The following TULP4 variants were observed in gnomAD, a reference collection of about 807,000 sequenced individuals.
TULP4 encodes the protein tubby-related protein 4.
In TULP4, 16 loss-of-function variants were observed where a neutral mutation model predicts 129.0. That is an observed-to-expected ratio of 0.12 (90% CI 0.08 to 0.19). TULP4 has a LOEUF of 0.19. Among genes scored for constraint, TULP4 ranks in the 10% least tolerant of loss-of-function variants. TULP4 has a pLI of 1.00. For missense variants in TULP4, 1,842 were observed against 2,059.1 expected (o/e 0.89, Z 2.04); for synonymous variants, 998 against 854.0 (o/e 1.17, Z -2.94).
At chr6:158,361,992 A>G (rs544910362) in intron 1 of TULP4, among the ~76,000 whole-genome samples, 2 of 152,328 alleles carry the variant, frequency 1.3e-5, no homozygotes, top group South Asian at 4.2e-4. Context: ...AGAATGTTCA[A>G]ACTCCTCAAC....
intron 1 of TULP4, among the ~76,000 whole-genome samples, chr6:158,357,553 G>A (rs761667254): frequency 3.9e-5 from 6 of 152,244 alleles, no homozygotes; most frequent in Non-Finnish European, 8.8e-5. Flanking sequence ...CATTAGATGA[G>A]TAGGAAGAGA....
chr6:158,490,904 A>G (rs1464457108), intron 9 of TULP4, among the ~76,000 whole-genome samples: 3 of 152,176 alleles, frequency 2.0e-5, no homozygotes, highest in African/African-American at 7.2e-5. Flanking sequence ...TTATACTACA[A>G]TTAGTTTACT....
chr6:158,366,013 C>T (rs1259334711), intron 1 of TULP4, among the ~76,000 whole-genome samples: 4 of 147,692 alleles, frequency 2.7e-5, no homozygotes, highest in Non-Finnish European at 4.4e-5. Context: ...TGCCATTCTC[C>T]TGCCTCAGCC....
At chr6:158,458,573 A>G (rs978071739) in intron 5 of TULP4, among the ~76,000 whole-genome samples, 6 of 152,192 alleles carry the variant, frequency 3.9e-5, no homozygotes, top group Non-Finnish European at 8.8e-5. Context: ...AAAATAGGAG[A>G]TTCAAACAAA....
intron 1 of TULP4, among the ~76,000 whole-genome samples, chr6:158,300,557 AT>A (rs983534566): frequency 6.6e-6 from 1 of 152,220 alleles, no homozygotes; most frequent in African/African-American, 2.4e-5. Flanking sequence ...GCATAAATAA[AT>A]CAAAAGCCTT....
intron 1 of TULP4, chr6:158,282,822 T>G (rs1185129416): frequency 6.6e-6 from 1 of 152,104 alleles, no homozygotes; most frequent in Non-Finnish European, 1.5e-5. Context: ...ATTTTAATTA[T>G]TTCATATACA....
chr6:158,498,728 G>A lies in TULP4; in HGVS notation c.1930G>A (p.Glu644Lys). The A allele has an allele frequency of 1.2e-6, 2 of 1,614,172 alleles. No homozygotes were observed. The highest frequency in any genetic ancestry group is 1.7e-6 in the Non-Finnish European group (2 of 1,180,028). The stretch of plus-strand genomic sequence containing the variant: ...GCGGCAGATGACCATTTATCTCCCA[G>A]AAGTTCGGAAAATTTCCATGGACTA... Reference protein sequence around the residue: ...QPRQMTIYLPEVRKISMDYIN... With the variant: ...QPRQMTIYLPKVRKISMDYIN... Residue 644 changes from glutamate (E) to lysine (K), a missense_variant, in exon 12 of 14, where the codon GAA (glutamate) becomes AAA (lysine). Transcript: ENST00000367097.
intron 1 of TULP4, among the ~76,000 whole-genome samples, chr6:158,269,533 T>A (rs918441429): frequency 1.3e-5 from 2 of 152,220 alleles, no homozygotes; most frequent in African/African-American, 4.8e-5. Context: ...TTTGAGATTT[T>A]GATAGACTTT....
intron 1 of TULP4, among the ~76,000 whole-genome samples, chr6:158,322,132 T>G (rs756215224): frequency 6.6e-6 from 1 of 152,250 alleles, no homozygotes; most frequent in Non-Finnish European, 1.5e-5. Flanking sequence ...GTATTTAAAG[T>G]ACTTAATCTG....
chr6:158,441,660 G>A (rs966762361), intron 3 of TULP4, among the ~76,000 whole-genome samples: 4 of 152,300 alleles, frequency 2.6e-5, no homozygotes, highest in South Asian at 2.1e-4. Context: ...ACAAAGGCTC[G>A]CTCCTTCTGG....
At chr6:158,391,022 A>G (rs1324473687) in intron 1 of TULP4, among the ~76,000 whole-genome samples, 1 of 152,132 alleles carries the variant, frequency 6.6e-6, no homozygotes, top group Non-Finnish European at 1.5e-5. Flanking sequence ...GGCTGCACTG[A>G]GCTATGATTG....
intron 1 of TULP4, among the ~76,000 whole-genome samples, chr6:158,301,615 CAG>C (rs939708410): frequency 1.3e-5 from 2 of 152,140 alleles, no homozygotes. Context: ...GTTTTTGACA[CAG>C]AATGAGGAAG....
In TULP4 at chr6:158,255,289, T is replaced by G. The variant is rs545575037; in HGVS notation, n.68+22986T>G. ...ACCGGCAGACCCTGTCGAGTGCATA[T>G]CTAATGTTCTTTCTTCCCTTCTTTC... On this transcript the variant is annotated intron_variant and non_coding_transcript_variant, in intron 1 of 1. Transcript: ENST00000620026. Among the ~76,000 whole-genome samples the G allele has an allele frequency of 2.0e-5, 3 of 152,250 alleles. No individual in the cohort carries two copies. The East Asian group carries it at 5.8e-4, about 29-fold the overall frequency.
intron 2 of TULP4, chr6:158,428,251 ATC>A (rs1176656167): frequency 6.6e-6 from 1 of 152,200 alleles, no homozygotes; most frequent in Non-Finnish European, 1.5e-5. Flanking sequence ...GCAACAAATC[ATC>A]TGTTTATACA....
At chr6:158,233,020 G>C (rs1471333522) in intron 1 of TULP4, among the ~76,000 whole-genome samples, 2 of 152,264 alleles carry the variant, frequency 1.3e-5, no homozygotes, top group Non-Finnish European at 2.9e-5. Context: ...GCAGGACGCC[G>C]ATTCCGAAGT....
At chr6:158,445,286 T>C (rs1279659257) in intron 3 of TULP4, among the ~76,000 whole-genome samples, 1 of 152,192 alleles carries the variant, frequency 6.6e-6, no homozygotes, top group African/African-American at 2.4e-5. Context: ...ACCTGAAGCC[T>C]ACAGTTCGTC....
At chr6:158,327,177 G>C (rs910288525) in intron 1 of TULP4, among the ~76,000 whole-genome samples, 1 of 152,096 alleles carries the variant, frequency 6.6e-6, no homozygotes, top group African/African-American at 2.4e-5. Flanking sequence ...ACATGATGAG[G>C]GCTTTTTAAA....
At chr6:158,472,272 CAGA>C (rs1156503821) in intron 6 of TULP4, among the ~76,000 whole-genome samples, 1 of 152,120 alleles carries the variant, frequency 6.6e-6, no homozygotes, top group Non-Finnish European at 1.5e-5. Context: ...TTAACCATTG[CAGA>C]AGTTCTCATC....
chr6:158,466,119 A>G (rs1333929105), intron 6 of TULP4, among the ~76,000 whole-genome samples: 3 of 152,098 alleles, frequency 2.0e-5, no homozygotes, highest in African/African-American at 7.2e-5. Flanking sequence ...CTATTTTAAC[A>G]TTTACTCAGG....
Sources: allele counts gnomAD v4.1 joint callset (sites outside exome capture counted in the v4.1 genomes callset), GRCh38; gene constraint gnomAD v4.1.1; transcripts MANE v1.5; gene names NCBI Gene and HGNC (gene_info 2026-07-23, HGNC 2026-07-21).